SAMD4A: variants seen among roughly 807,000 people sequenced by gnomAD.
SAMD4A encodes the protein sterile alpha motif domain containing 4A, also known as protein Smaug homolog 1.
Under a neutral mutation model 81.3 loss-of-function variants are expected in SAMD4A, and 33 were observed. The observed-to-expected ratio is 0.41, with a 90% CI of 0.31 to 0.54. The LOEUF (loss-of-function observed/expected upper bound fraction) is 0.54. Ranked by LOEUF, SAMD4A falls within the 20% of genes least tolerant of loss-of-function variation. The probability of loss-of-function intolerance (pLI) is 0.37; values close to 1 mark genes in which losing one functional copy is unlikely to be tolerated. For synonymous variants in SAMD4A, 389 were observed against 382.1 expected (o/e 1.02, Z -0.21); for missense variants, 854 against 951.1 (o/e 0.90, Z 1.34).
chr14:54,746,488 T>A (rs944044907), intron 4 of SAMD4A, among the ~76,000 whole-genome samples: 4 of 152,362 alleles, frequency 2.6e-5, no homozygotes, highest in Middle Eastern at 6.8e-3. Context: ...TGAGGCCAGC[T>A]CTTCCACTCC....
chr14:54,720,186 C>G (rs2037225210), intron 3 of SAMD4A, among the ~76,000 whole-genome samples: 2 of 151,924 alleles, frequency 1.3e-5, no homozygotes, highest in Admixed American at 1.3e-4. Context: ...TCTTTTTTGT[C>G]TTTTTAAGGT....
chr14:54,777,817 C>T (rs1279621489), intron 11 of SAMD4A, among the ~76,000 whole-genome samples: 1 of 152,202 alleles, frequency 6.6e-6, no homozygotes, highest in African/African-American at 2.4e-5. Context: ...CAAAACTCTG[C>T]TCACTTTTGT....
intron 2 of SAMD4A, among the ~76,000 whole-genome samples, chr14:54,608,366 C>T (rs2034270388): frequency 1.3e-5 from 2 of 152,202 alleles, no homozygotes; most frequent in African/African-American, 4.8e-5. Context: ...AGTCCAGGTC[C>T]TCACCTGTCA....
intron 2 of SAMD4A, among the ~76,000 whole-genome samples, chr14:54,570,457 T>C (rs1428995919): frequency 3.3e-5 from 5 of 152,196 alleles, no homozygotes; most frequent in Non-Finnish European, 7.3e-5. Flanking sequence ...TTTAAAAAAT[T>C]TGACAAATAA....
intron 2 of SAMD4A, among the ~76,000 whole-genome samples, chr14:54,580,658 C>G (rs79035471): frequency 6.6e-6 from 1 of 152,128 alleles, no homozygotes; most frequent in Non-Finnish European, 1.5e-5. Flanking sequence ...TCCTTGTCTA[C>G]GACAGCTCTT....
chr14:54,730,046 C>T lies in SAMD4A; in HGVS notation c.716-6978C>T, dbSNP rs139916415. Among the ~76,000 whole-genome samples, 64 of 152,224 alleles carry T rather than the reference C, an allele frequency of 4.2e-4. 3 individuals carry two copies. The East Asian group carries it at 0.011, about 25-fold the overall frequency. ...AGATGAAATATACCAAAGATTAGTG[C>T]AATAATAAAAGTCTGCCAGAAGCAT... On this transcript the variant is annotated intron_variant, in intron 3 of 12. Transcript: ENST00000554335.
chr14:54,567,047 G>A (rs2032961234), upstream of SAMD4A: 1 of 153,030 alleles, frequency 6.5e-6, no homozygotes, highest in Non-Finnish European at 1.5e-5. Flanking sequence ...GGAGGAGTAA[G>A]AGGAGGAGGA....
rs1012592867 is a variant in SAMD4A at position 54,573,148 on chromosome 14, A to G, written c.196+5036A>G. On this transcript the variant is annotated intron_variant, in intron 2 of 12. Coordinates refer to ENST00000554335, the MANE Select transcript of SAMD4A (RefSeq NM_015589.6). The stretch of plus-strand genomic sequence containing the variant: ...AGGGTTTTGTAATTTTCTTTGGGTC[A>G]GTCTGGGATGACCCTGCAGTTTACT... Among the ~76,000 whole-genome samples the G allele has an allele frequency of 2.6e-5, 4 of 152,230 alleles. 1 individual carries two copies. Among genetic ancestry groups the G allele is most frequent in the Admixed American group, 2.0e-4 (3 of 15,288 alleles).
Position 54,695,692 on chromosome 14 carries a change from C to T in SAMD4A, c.197-6370C>T, listed in dbSNP as rs146477153. Among the ~76,000 whole-genome samples the T allele has an allele frequency of 2.7e-3, 415 of 151,346 alleles. 3 individuals carry two copies. Among genetic ancestry groups the T allele is most frequent in the Non-Finnish European group, 4.1e-3 (279 of 67,784 alleles). On this transcript the variant is annotated intron_variant, in intron 2 of 12. Coordinates refer to ENST00000554335, the MANE Select transcript of SAMD4A (RefSeq NM_015589.6). ...GGTTAGGGCCGGGCACGGTGGCTCA[C>T]GCCTGTAATCCCAGCACTTTGGGAG... is the stretch of plus-strand genomic sequence containing the variant.
At chr14:54,575,675 G>T (rs749939276) in intron 2 of SAMD4A, among the ~76,000 whole-genome samples, 1 of 152,194 alleles carries the variant, frequency 6.6e-6, no homozygotes, top group Non-Finnish European at 1.5e-5. Flanking sequence ...GAGTATGCTA[G>T]TAGTGCAGGT....
At chr14:54,753,483 G>A (rs2038163255) in intron 6 of SAMD4A, among the ~76,000 whole-genome samples, 1 of 152,056 alleles carries the variant, frequency 6.6e-6, no homozygotes, top group African/African-American at 2.4e-5. Flanking sequence ...GGGAAAAGTG[G>A]CTGCAGCAAA....
intron 2 of SAMD4A, among the ~76,000 whole-genome samples, chr14:54,616,057 C>T (rs1207278169): frequency 6.6e-6 from 1 of 152,170 alleles, no homozygotes; most frequent in Non-Finnish European, 1.5e-5. Flanking sequence ...TCCCATGTGA[C>T]TCTATAAAAT....
intron 2 of SAMD4A, among the ~76,000 whole-genome samples, chr14:54,625,054 G>A (rs757998267): frequency 6.6e-6 from 1 of 152,128 alleles, no homozygotes; most frequent in Non-Finnish European, 1.5e-5. Context: ...GTGCTACTAT[G>A]GCAAAGTTAT....
chr14:54,734,297 C>G (rs1166669187), intron 3 of SAMD4A, among the ~76,000 whole-genome samples: 2 of 152,240 alleles, frequency 1.3e-5, no homozygotes, highest in African/African-American at 4.8e-5. Context: ...ACGGCCCTGT[C>G]TGCAAATCAG....
At chr14:54,654,909 A>G (rs2035485387) in intron 2 of SAMD4A, among the ~76,000 whole-genome samples, 1 of 152,224 alleles carries the variant, frequency 6.6e-6, no homozygotes, top group Non-Finnish European at 1.5e-5. Flanking sequence ...CTCATATGTC[A>G]TCAGTGCTCA....
Position 54,789,083 on chromosome 14 carries a change from T to C in SAMD4A, c.*139T>C. 6 of 915,932 alleles carry C rather than the reference T, an allele frequency of 6.6e-6. No homozygotes were observed. In the South Asian group the frequency reaches 8.2e-5, roughly 13 times the overall value. 56.7% of individuals were successfully genotyped at this position (915,932 alleles called of 1,614,324 possible). A position where few individuals can be genotyped will look rare whatever the true frequency, so the allele number is the denominator to read the frequency against. On this transcript the variant is annotated 3_prime_UTR_variant, in exon 13 of 13. Transcript: ENST00000554335. ...CCCTGGTCCCTCTCCCGTTTTGATTTTGTGAGAGCGTAGGTCATCCTCGTA... is the reference window on the plus strand; with the variant it reads ...CCCTGGTCCCTCTCCCGTTTTGATTCTGTGAGAGCGTAGGTCATCCTCGTA...
At chr14:54,735,275 G>A (rs929313240) in intron 3 of SAMD4A, 2 of 150,922 alleles carry the variant, frequency 1.3e-5, no homozygotes, top group African/African-American at 4.9e-5. Flanking sequence ...GTCCAACCAG[G>A]TAGCAATGCA....
In SAMD4A at chr14:54,737,245, A is replaced by G; in HGVS notation, c.937A>G (p.Thr313Ala). ...GAGTGAACACTTAGAAGATCAGACC[A>G]CTGCTCGTAACACATTCCAAGAAGA... ...GGSEHLEDQTTARNTFQEEGS... is the reference protein window; with the variant it reads ...GGSEHLEDQTAARNTFQEEGS... Residue 313 changes from threonine to alanine, a missense_variant, in exon 4 of 13, where the codon ACT (threonine) becomes GCT (alanine). Coordinates refer to ENST00000554335, the MANE Select transcript of SAMD4A (RefSeq NM_015589.6). The G allele has an allele frequency of 9.3e-6, 15 of 1,614,094 alleles. No individual in the cohort carries two copies. Among genetic ancestry groups the G allele is most frequent in the Non-Finnish European group, 1.3e-5 (15 of 1,180,006 alleles).
At chr14:54,740,954 A>C (rs1885398) in intron 4 of SAMD4A, among the ~76,000 whole-genome samples, 133,901 of 152,226 alleles carry the variant, frequency 0.88, 59,048 homozygotes, top group African/African-American at 0.94. Context: ...TGAGATCCAC[A>C]ATTTAGCTTG....
Sources: gnomAD v4.1 joint callset for allele counts (sites outside exome capture counted in the v4.1 genomes callset) on GRCh38, gnomAD v4.1.1 for gene constraint, MANE v1.5 for transcripts, NCBI Gene and HGNC (gene_info 2026-07-23, HGNC 2026-07-21) for gene names.